GAS7: variants seen among roughly 807,000 people sequenced by gnomAD.
GAS7 encodes the protein growth arrest-specific protein 7.
In GAS7, 28 loss-of-function variants were observed where a neutral mutation model predicts 71.1. That is an observed-to-expected ratio of 0.39 (90% CI 0.29 to 0.54). The LOEUF (loss-of-function observed/expected upper bound fraction) is 0.54. Among genes scored for constraint, GAS7 ranks in the 20% least tolerant of loss-of-function variants. GAS7 has a pLI of 0.62. For synonymous variants in GAS7, 258 were observed against 245.8 expected (o/e 1.05, Z -0.46); for missense variants, 436 against 627.8 (o/e 0.69, Z 3.27).
intron 4 of GAS7, among the ~76,000 whole-genome samples, chr17:9,963,143 C>T (rs548636176): frequency 0.017 from 2,539 of 151,958 alleles, 56 homozygotes; most frequent in African/African-American, 0.058. Flanking sequence ...GAATATTCTT[C>T]TGTCATAAAA....
intron 1 of GAS7, among the ~76,000 whole-genome samples, chr17:10,139,003 T>A (rs1441673620): frequency 1.3e-5 from 2 of 152,238 alleles, no homozygotes; most frequent in Admixed American, 1.3e-4. Flanking sequence ...CATCTATTTG[T>A]GCCTTTAAAA....
intron 1 of GAS7, among the ~76,000 whole-genome samples, chr17:10,065,378 C>T (rs528095713): frequency 1.2e-3 from 190 of 152,294 alleles, no homozygotes; most frequent in Non-Finnish European, 2.4e-3. Context: ...TGCCAAGCTT[C>T]CAAAAATTAG....
intron 1 of GAS7, among the ~76,000 whole-genome samples, chr17:10,041,171 A>AGAAGAAG (rs1555528016): frequency 2.1e-5 from 3 of 145,008 alleles, no homozygotes; most frequent in African/African-American, 8.6e-5. Context: ...AAAAAAAAAA[A>AGAAGAAG]AAAAAGAAGA....
chr17:10,113,061 G>T (rs2073828992), intron 1 of GAS7, among the ~76,000 whole-genome samples: 1 of 152,106 alleles, frequency 6.6e-6, no homozygotes, highest in Non-Finnish European at 1.5e-5. Context: ...AAGCAGAGAG[G>T]GACCCCATCC....
At chr17:9,936,052 T>G (rs1159510417) in intron 8 of GAS7, among the ~76,000 whole-genome samples, 1 of 152,168 alleles carries the variant, frequency 6.6e-6, no homozygotes, top group Non-Finnish European at 1.5e-5. Flanking sequence ...GGGAAACAGA[T>G]GATCTTTTTA....
rs894474348 is a variant in GAS7, at chr17:9,915,231, G to T, written c.*1997C>A. 5 of 230,952 alleles carry T rather than the reference G, an allele frequency of 2.2e-5. No homozygotes were observed. The highest frequency in any genetic ancestry group is 4.3e-5 in the Non-Finnish European group (5 of 116,554). 14.3% of individuals were successfully genotyped at this position (230,952 alleles called of 1,614,324 possible). On this transcript the variant is annotated 3_prime_UTR_variant, in exon 14 of 14. Transcript: ENST00000432992. The stretch of plus-strand genomic sequence containing the variant: ...GGACTCTGGAATCCTCAGATGTAAT[G>T]GAAAAGTCAATGAGCCATATTGTAC...
chr17:9,957,264 C>A (rs911832838), intron 5 of GAS7, among the ~76,000 whole-genome samples: 2 of 152,202 alleles, frequency 1.3e-5, no homozygotes, highest in Admixed American at 6.5e-5. Context: ...TAAAAAAGGT[C>A]TTGGAGGCTT....
intron 1 of GAS7, among the ~76,000 whole-genome samples, chr17:10,176,407 T>A (rs1341001307): frequency 1.3e-5 from 2 of 152,174 alleles, no homozygotes; most frequent in East Asian, 3.9e-4. Flanking sequence ...ACCGCTTGCA[T>A]TCATCACCCG....
In GAS7 at chr17:10,117,387, A is replaced by T. The variant is rs78007221; in HGVS notation, c.183+80821T>A. Among the ~76,000 whole-genome samples the T allele has an allele frequency of 6.9e-3, 1,046 of 152,262 alleles. 8 individuals carry two copies. The highest frequency in any genetic ancestry group is 0.024 in the African/African-American group (996 of 41,560). Reference sequence around the variant, plus strand: ...AATCCCATCTGCCACAGAAGGTAACATATTCACAGGCTCCAGAGATTAGAA... The same window carrying T: ...AATCCCATCTGCCACAGAAGGTAACTTATTCACAGGCTCCAGAGATTAGAA... On this transcript the variant is annotated intron_variant, in intron 1 of 13. Transcript: ENST00000432992.
At chr17:9,979,307 G>A (rs1049961000) in intron 3 of GAS7, among the ~76,000 whole-genome samples, 17 of 152,222 alleles carry the variant, frequency 1.1e-4, no homozygotes, top group African/African-American at 4.1e-4. Flanking sequence ...GGGCAGAGGG[G>A]GACAGGAGTT....
chr17:10,114,456 C>T (rs1226800358), intron 1 of GAS7: 3 of 152,158 alleles, frequency 2.0e-5, no homozygotes, highest in Non-Finnish European at 4.4e-5. Flanking sequence ...ATCCCAGCTT[C>T]AGGGTCCCGT....
At chr17:9,967,354 G>A (rs2069760540) in intron 4 of GAS7, among the ~76,000 whole-genome samples, 1 of 152,060 alleles carries the variant, frequency 6.6e-6, no homozygotes, top group Non-Finnish European at 1.5e-5. Flanking sequence ...TCTTTGCTGT[G>A]GTGTCCCATG....
rs780537328 is a variant in GAS7, at chr17:9,925,516, C to T, written c.1098G>A (p.Glu366=). ...TTCTCCGCGCCTTCTTGATGTCCTC[C>T]TCTGTCTTGTTGCTCAGCTTGATCT... The part of the protein sequence containing the change: ...QLEIKLSNKT[E]EDIKKARRKS... Residue 366 remains glutamate (E), a synonymous_variant, in exon 11 of 14, where the codon GAG becomes GAA. Transcript: ENST00000432992. 1 of 1,614,162 alleles carries T rather than the reference C, an allele frequency of 6.2e-7. No individual in the cohort carries two copies. The highest frequency in any genetic ancestry group is 2.2e-5 in the East Asian group (1 of 44,880).
In GAS7 at chr17:9,912,465, G is replaced by A. The variant is rs2067464533; in HGVS notation, c.*4763C>T. On this transcript the variant is annotated 3_prime_UTR_variant, in exon 14 of 14. Transcript: ENST00000432992. ...CAGCCCCAGCCTTCTTGTCCATGCT[G>A]CTTCTGCTCGCCTTTCAAAGCCTCC... 1 of 233,086 alleles carries A rather than the reference G, an allele frequency of 4.3e-6. No homozygotes were observed. Among genetic ancestry groups the A allele is most frequent in the East Asian group, 6.0e-5 (1 of 16,550 alleles). 14.4% of individuals were successfully genotyped at this position (233,086 alleles called of 1,614,324 possible). A position where few individuals can be genotyped will look rare whatever the true frequency, so the allele number is the denominator to read the frequency against.
At chr17:10,051,743 C>G (rs1421456299) in intron 1 of GAS7, among the ~76,000 whole-genome samples, 1 of 152,156 alleles carries the variant, frequency 6.6e-6, no homozygotes, top group Non-Finnish European at 1.5e-5. Flanking sequence ...CATGTGCCTT[C>G]ATTTGAACAT....
Position 10,034,131 on chromosome 17 carries a change from C to A in GAS7, c.184-14234G>T. ...CCTACCACTGCTCTGTGCCACCGTG[C>A]GAAGAACACAGGATGGGAATCGGAG... On this transcript the variant is annotated intron_variant, in intron 1 of 13. Coordinates refer to ENST00000432992, the MANE Select transcript of GAS7 (RefSeq NM_201433.2). This position sits in a 1 kb window ranked among gnomAD's most constrained non-coding sequence, Gnocchi z 4.4. The A allele has an allele frequency of 1.0e-6, 1 of 985,198 alleles. No individual in the cohort carries two copies. The highest frequency in any genetic ancestry group is 1.2e-6 in the Non-Finnish European group (1 of 829,794). The allele number at this position is 985,198 out of a possible 1,614,324, so 61.0% of individuals were successfully genotyped here.
intron 1 of GAS7, among the ~76,000 whole-genome samples, chr17:10,138,021 GGCACAATCTTGGCTCACT>G (rs1378829443): frequency 1.3e-4 from 19 of 151,624 alleles, no homozygotes; most frequent in African/African-American, 4.6e-4. Flanking sequence ...GGAATGCAGT[GGCACAATCTTGGCTCACT>G]GCAAGCTCCA....
intron 1 of GAS7, among the ~76,000 whole-genome samples, chr17:10,188,672 G>A (rs865975152): frequency 1.3e-5 from 2 of 152,042 alleles, no homozygotes; most frequent in South Asian, 2.1e-4. Context: ...AGAGTCTCAC[G>A]CTTTCACTCA....
chr17:10,047,783 G>A (rs1009422442), intron 1 of GAS7, among the ~76,000 whole-genome samples: 1 of 152,162 alleles, frequency 6.6e-6, no homozygotes, highest in Non-Finnish European at 1.5e-5. Context: ...GTAGTTGTGG[G>A]TAACTGCAAA....
Sources: allele counts gnomAD v4.1 joint callset (sites outside exome capture counted in the v4.1 genomes callset), GRCh38; gene constraint gnomAD v4.1.1; non-coding constraint Gnocchi (gnomAD v3.1); transcripts MANE v1.5; gene names NCBI Gene and HGNC (gene_info 2026-07-23, HGNC 2026-07-21).